The following FAM135B variants were observed in gnomAD, a reference collection of about 807,000 sequenced individuals.
FAM135B encodes protein FAM135B.
Under a neutral mutation model 127.7 loss-of-function variants are expected in FAM135B, and 43 were observed. That is an observed-to-expected ratio of 0.34 (90% CI 0.26 to 0.43). The LOEUF is 0.43. Among genes scored for constraint, FAM135B ranks in the 20% least tolerant of loss-of-function variants. FAM135B has a pLI of 1.00. For missense variants in FAM135B, 1,558 were observed against 1,725.6 expected (o/e 0.90, Z 1.72); for synonymous variants, 670 against 665.1 (o/e 1.01, Z -0.11).
At chr8:138,460,958 A>G (rs1107013) in intron 1 of FAM135B, among the ~76,000 whole-genome samples, 71,566 of 152,026 alleles carry the variant, frequency 0.47, 18,178 homozygotes, top group East Asian at 0.84. Flanking sequence ...GCCTGGCATC[A>G]TACAGCCAAA....
At chr8:138,386,272 A>C (rs2131306689) in intron 1 of FAM135B, among the ~76,000 whole-genome samples, 1 of 152,218 alleles carries the variant, frequency 6.6e-6, no homozygotes, top group East Asian at 1.9e-4. Flanking sequence ...ACCAAACAAC[A>C]ACCTAACCTC....
chr8:138,204,229 C>T (rs986119789), intron 7 of FAM135B, among the ~76,000 whole-genome samples: 10 of 152,108 alleles, frequency 6.6e-5, no homozygotes, highest in Non-Finnish European at 1.5e-4. Context: ...CTCTTTAGGG[C>T]CTATGCTCTT....
chr8:138,203,601 C>T (rs920169759), intron 7 of FAM135B, among the ~76,000 whole-genome samples: 5 of 152,080 alleles, frequency 3.3e-5, no homozygotes, highest in Non-Finnish European at 5.9e-5. Flanking sequence ...AGAGAAAGTT[C>T]GAATTCTTTT....
intron 7 of FAM135B, among the ~76,000 whole-genome samples, chr8:138,221,583 G>C (rs1257873885): frequency 6.6e-6 from 1 of 152,164 alleles, no homozygotes; most frequent in Non-Finnish European, 1.5e-5. Context: ...CTGAATAGGA[G>C]AGCCAAGGAA....
chr8:138,419,934 C>G (rs1435701838), intron 1 of FAM135B, among the ~76,000 whole-genome samples: 6 of 151,894 alleles, frequency 4.0e-5, no homozygotes, highest in Non-Finnish European at 4.4e-5. Context: ...CTAGGGGAAC[C>G]AGAAAAACAA....
chr8:138,159,497 C>T (rs1169254021), intron 12 of FAM135B, among the ~76,000 whole-genome samples: 1 of 150,246 alleles, frequency 6.7e-6, no homozygotes, highest in East Asian at 2.0e-4. Context: ...AGCAAACTAT[C>T]GCAAGGACAG....
intron 1 of FAM135B, among the ~76,000 whole-genome samples, chr8:138,400,579 C>T (rs1833101987): frequency 6.6e-6 from 1 of 152,156 alleles, no homozygotes; most frequent in Non-Finnish European, 1.5e-5. Flanking sequence ...CTCCTACTCT[C>T]CTAGCAGAAT....
rs372269443 is a variant in FAM135B, at chr8:138,302,627, G to T, written c.157+8214C>A. ...CCTTGATGACCTGCACCAGAAATCA[G>T]GACACCACAAGTCAGTTGTGCCTCA... On this transcript the variant is annotated intron_variant, in intron 3 of 19. Transcript: ENST00000395297. Among the ~76,000 whole-genome samples, 137 of 152,240 alleles carry T rather than the reference G, an allele frequency of 9.0e-4. No homozygotes were observed. The Middle Eastern group carries it at 0.01, about 11-fold the overall frequency.
intron 1 of FAM135B, among the ~76,000 whole-genome samples, chr8:138,400,403 TG>T (rs1299566769): frequency 6.6e-6 from 1 of 152,168 alleles, no homozygotes; most frequent in Non-Finnish European, 1.5e-5. Context: ...GACCAGAGAC[TG>T]GGTGATAGAC....
chr8:138,336,511 A>C (rs1344075826), intron 2 of FAM135B, among the ~76,000 whole-genome samples: 1 of 152,216 alleles, frequency 6.6e-6, no homozygotes, highest in African/African-American at 2.4e-5. Flanking sequence ...ATCTAGAAGA[A>C]ATGGATACAT....
intron 1 of FAM135B, among the ~76,000 whole-genome samples, chr8:138,485,215 G>T (rs2131686737): frequency 6.6e-6 from 1 of 152,126 alleles, no homozygotes; most frequent in South Asian, 2.1e-4. Flanking sequence ...ATGACTCATT[G>T]TCACACTTCT....
At chr8:138,295,464 G>A (rs970652749) in intron 3 of FAM135B, among the ~76,000 whole-genome samples, 18 of 152,108 alleles carry the variant, frequency 1.2e-4, no homozygotes, top group African/African-American at 4.3e-4. Context: ...TGACTTCACT[G>A]AGTTTGAATC....
At chr8:138,333,243 C>T (rs1262914700) in intron 2 of FAM135B, among the ~76,000 whole-genome samples, 1 of 152,146 alleles carries the variant, frequency 6.6e-6, no homozygotes, top group African/African-American at 2.4e-5. Context: ...AACTAAACCT[C>T]GGACCCTGTT....
intron 19 of FAM135B, 78 bp downstream of exon 19, chr8:138,137,069 A>C: frequency 1.3e-6 from 1 of 791,950 alleles, no homozygotes; most frequent in Non-Finnish European, 2.3e-6. Flanking sequence ...AGGTGTTCCC[A>C]ATAGGCAGTC....
intron 1 of FAM135B, among the ~76,000 whole-genome samples, chr8:138,478,893 T>TGCAGACCCTGCAGGTTAAGGGC (rs1400890947): frequency 6.6e-6 from 1 of 152,192 alleles, no homozygotes; most frequent in East Asian, 1.9e-4. Context: ...CTGGGGTCAG[T>TGCAGACCCTGCAGGTTAAGGGC]GCAGACCCTG....
chr8:138,232,466 T>C (rs1456314082), intron 7 of FAM135B, among the ~76,000 whole-genome samples: 1 of 152,226 alleles, frequency 6.6e-6, no homozygotes, highest in Non-Finnish European at 1.5e-5. Flanking sequence ...ATATGATTCA[T>C]GAAAATGAAC....
chr8:138,390,003 T>G (rs1384016991), intron 1 of FAM135B, among the ~76,000 whole-genome samples: 1 of 152,230 alleles, frequency 6.6e-6, no homozygotes, highest in South Asian at 2.1e-4. Context: ...TATGTTCTTA[T>G]GTATTTATGT....
chr8:138,135,046 G>A (rs934167316), intron 19 of FAM135B, among the ~76,000 whole-genome samples: 8 of 152,178 alleles, frequency 5.3e-5, no homozygotes, highest in Non-Finnish European at 1.0e-4. Flanking sequence ...TTTCCAGGAC[G>A]CGCAGTGTAA....
Position 138,300,728 on chromosome 8 carries a change from C to T in FAM135B, c.157+10113G>A, listed in dbSNP as rs1825819945. Among the ~76,000 whole-genome samples the T allele has an allele frequency of 2.0e-5, 3 of 148,056 alleles. No homozygotes were observed. In the Middle Eastern group the frequency reaches 0.011, roughly 525 times the overall value. Reference sequence around the variant, plus strand: ...AATTTCCTCTTCAATATTTTCTTCCCGTGCCATTTTATCCACTTTTTTTTT... The same window carrying T: ...AATTTCCTCTTCAATATTTTCTTCCTGTGCCATTTTATCCACTTTTTTTTT... On this transcript the variant is annotated intron_variant, in intron 3 of 19. Transcript: ENST00000395297.
Sources: gnomAD v4.1 joint callset for allele counts (sites outside exome capture counted in the v4.1 genomes callset) on GRCh38, gnomAD v4.1.1 for gene constraint, MANE v1.5 for transcripts, NCBI Gene and HGNC (gene_info 2026-07-23, HGNC 2026-07-21) for gene names.